The following PRPF40B variants were observed in gnomAD, a reference collection of about 807,000 sequenced individuals.
PRPF40B encodes pre-mRNA processing factor 40B, also known as pre-mRNA-processing factor 40 homolog B.
In PRPF40B, 56 loss-of-function variants were observed where a neutral mutation model predicts 124.5. The observed-to-expected ratio is 0.45, with a 90% CI of 0.36 to 0.56. PRPF40B has a LOEUF of 0.56. Among genes scored for constraint, PRPF40B ranks in the 20% least tolerant of loss-of-function variants. The probability of loss-of-function intolerance (pLI) is 0.00; values close to 1 mark genes in which losing one functional copy is unlikely to be tolerated. For synonymous variants in PRPF40B, 443 were observed against 426.4 expected (o/e 1.04, Z -0.48); for missense variants, 1,053 against 1,169.5 (o/e 0.90, Z 1.45).
chr12:49,623,947 G>A (rs1227351988), intron 1 of PRPF40B: 2 of 1,112,432 alleles, frequency 1.8e-6, no homozygotes, highest in East Asian at 4.8e-5. Context: ...GACAGGTGGG[G>A]ACCAGTTTCC....
intron 18 of PRPF40B, chr12:49,641,389 T>C (rs918779936): frequency 6.5e-6 from 1 of 153,132 alleles, no homozygotes; most frequent in African/African-American, 2.4e-5. Flanking sequence ...TGCTCTAGTT[T>C]CTCTGAACCT....
At chr12:49,623,872 G>A in intron 1 of PRPF40B, 2 of 1,129,564 alleles carry the variant, frequency 1.8e-6, no homozygotes, top group Non-Finnish European at 2.2e-6. Flanking sequence ...GGTGGGGGTG[G>A]GTTCGCGGAG....
At chr12:49,624,275 G>C (rs1216977194) in intron 1 of PRPF40B, 38 of 665,000 alleles carry the variant, frequency 5.7e-5, no homozygotes, top group Non-Finnish European at 6.9e-5. Context: ...TAAATGAATA[G>C]GTTTTTGAGG....
chr12:49,642,384 A>G lies in PRPF40B; in HGVS notation c.2022+12A>G, dbSNP rs1942795735. 1 of 1,612,930 alleles carries G rather than the reference A, an allele frequency of 6.2e-7. No homozygotes were observed. The highest frequency in any genetic ancestry group is 8.5e-7 in the Non-Finnish European group (1 of 1,179,612). ...CTGCCTGGGAAGAGGTCAGGAGCGT[A>G]GCCTGGCCCCAAGCACCCCTCAAGC... On this transcript the variant is annotated intron_variant, in intron 20 of 25. Coordinates refer to ENST00000548825, the MANE Select transcript of PRPF40B (RefSeq NM_001031698.3). The surrounding 1 kb of genome is among the most constrained non-coding windows in gnomAD (Gnocchi z 5.8).
rs761835660 is a variant in PRPF40B at position 49,635,855 on chromosome 12, C to G, written c.1288C>G (p.Gln430Glu). The G allele has an allele frequency of 6.2e-7, 1 of 1,613,948 alleles. No homozygotes were observed. Among genetic ancestry groups the G allele is most frequent in the South Asian group, 1.1e-5 (1 of 91,072 alleles). ...LAKKEKEQAK[Q>E]LRRRNIQALK... is the part of the protein sequence containing the mutation. ...TGTGGCTCCCTAGGAACAGGCCAAGCAGCTCCGGCGCCGCAATATCCAGGC... is the reference window on the plus strand; with the variant it reads ...TGTGGCTCCCTAGGAACAGGCCAAGGAGCTCCGGCGCCGCAATATCCAGGC... The change falls in exon 15 of 26, where the codon CAG becomes GAG. Residue 430 changes from glutamine (Q) to glutamate (E), a missense_variant. Coordinates refer to ENST00000548825, the MANE Select transcript of PRPF40B (RefSeq NM_001031698.3). The surrounding 1 kb of genome is among the most constrained non-coding windows in gnomAD (Gnocchi z 4.1).
chr12:49,642,879 C>A lies in PRPF40B; in HGVS notation c.2119-51C>A. On this transcript the variant is annotated intron_variant, in intron 21 of 25. Transcript: ENST00000548825. This position sits in a 1 kb window ranked among gnomAD's most constrained non-coding sequence, Gnocchi z 5.8. ...CAGATTTTAGGAAGTAGGATCCTTCCTGGGGCTAAGTCTGGTGCTGTCCTC... is the reference window on the plus strand; with the variant it reads ...CAGATTTTAGGAAGTAGGATCCTTCATGGGGCTAAGTCTGGTGCTGTCCTC... The A allele has an allele frequency of 6.4e-7, 1 of 1,566,672 alleles. No individual in the cohort carries two copies. Among genetic ancestry groups the A allele is most frequent in the Non-Finnish European group, 8.7e-7 (1 of 1,150,354 alleles).
At position 49,635,154 on chromosome 12, in the gene PRPF40B, C is replaced by T. The variant is rs1349417261; in HGVS notation, c.1057C>T (p.Arg353Trp). The T allele has an allele frequency of 3.1e-6, 5 of 1,613,966 alleles. No individual in the cohort carries two copies. The highest frequency in any genetic ancestry group is 2.2e-5 in the South Asian group (2 of 91,080). The change falls in exon 13 of 26, where the codon CGG becomes TGG. Residue 353 changes from arginine (R) to tryptophan (W), a missense_variant. By Grantham distance (101) the Arg-to-Trp change is moderately radical. Around this residue, in one of 2 missense-constraint regions of PRPF40B, gnomAD observed 895 missense variants for 1,052.2 expected, o/e 0.85. Transcript: ENST00000548825. This position sits in a 1 kb window ranked among gnomAD's most constrained non-coding sequence, Gnocchi z 4.1. ...KQAFNAYKAQ[R>W]EKEEKEEARL... ...GGCATTCAATGCCTACAAGGCGCAGCGGGAGAAGGAGGAGAAGGAGGAGGC... is the reference window on the plus strand; with the variant it reads ...GGCATTCAATGCCTACAAGGCGCAGTGGGAGAAGGAGGAGAAGGAGGAGGC...
At chr12:49,624,381 G>A (rs543450861) in intron 1 of PRPF40B, among the ~76,000 whole-genome samples, 1 of 152,322 alleles carries the variant, frequency 6.6e-6, no homozygotes, top group Admixed American at 6.5e-5. Context: ...CCCCACGGGT[G>A]CGGGGGGATG....
At chr12:49,639,254 A>C (rs1365196261) in intron 18 of PRPF40B, 1 of 152,192 alleles carries the variant, frequency 6.6e-6, no homozygotes, top group East Asian at 1.9e-4. Flanking sequence ...CAGTTCTTGA[A>C]GCCTCAAGAT....
chr12:49,633,177 G>A (rs1941411482), intron 7 of PRPF40B, 53 bp downstream of exon 7: 3 of 1,469,668 alleles, frequency 2.0e-6, no homozygotes, highest in Non-Finnish European at 2.8e-6. Context: ...ACCCTTCCAA[G>A]TCCTTGGCCT....
chr12:49,632,845 T>A lies in PRPF40B; in HGVS notation c.323-10T>A. 6.2e-7 allele frequency: 1 copy of A among 1,613,910 alleles called. No individual in the cohort carries two copies. Among genetic ancestry groups the A allele is most frequent in the Non-Finnish European group, 8.5e-7 (1 of 1,180,008 alleles). On this transcript the variant is annotated splice_polypyrimidine_tract_variant and intron_variant, in intron 5 of 25. Coordinates refer to ENST00000548825, the MANE Select transcript of PRPF40B (RefSeq NM_001031698.3). Reference sequence around the variant, plus strand: ...AAGGACTTAGTATGTATCCTTTGGCTTTTTTCTAGCTGCTGTGGCTGGGAC... The same window carrying A: ...AAGGACTTAGTATGTATCCTTTGGCATTTTTCTAGCTGCTGTGGCTGGGAC...
In PRPF40B at chr12:49,636,704, G is replaced by A. The variant is rs773522286; in HGVS notation, c.1427-12G>A. The A allele has an allele frequency of 6.2e-7, 1 of 1,613,822 alleles. No individual in the cohort carries two copies. Among genetic ancestry groups the A allele is most frequent in the East Asian group, 2.2e-5 (1 of 44,874 alleles). On this transcript the variant is annotated splice_polypyrimidine_tract_variant and intron_variant, in intron 15 of 25. Transcript: ENST00000548825. ...TGGGACAATGCCCGCGGAACCTCCTGCCTGTCTTTAGACATGGACAAGGAA... is the reference window on the plus strand; with the variant it reads ...TGGGACAATGCCCGCGGAACCTCCTACCTGTCTTTAGACATGGACAAGGAA...
At chr12:49,639,536 A>G (rs1359191366) in intron 18 of PRPF40B, 1 of 152,250 alleles carries the variant, frequency 6.6e-6, no homozygotes, top group African/African-American at 2.4e-5. Flanking sequence ...CTGGGTTTCT[A>G]TGTAGGTGCC....
rs1941446210 is a variant in PRPF40B at position 49,633,536 on chromosome 12, A to G, written c.569A>G (p.Asp190Gly). ...CGCTGGACCCGGCCCAAGGATCTGG[A>G]TGACCTAGAGGGTGAGATGTCCTAC... ...ESRWTRPKDL[D>G]DLEVLVKQEA... The change falls in exon 8 of 26, where the codon GAT becomes GGT. Residue 190 changes from aspartate to glycine, a missense_variant. Coordinates refer to ENST00000548825, the MANE Select transcript of PRPF40B (RefSeq NM_001031698.3). 6.2e-7 allele frequency: 1 copy of G among 1,614,094 alleles called. No individual in the cohort carries two copies. Among genetic ancestry groups the G allele is most frequent in the African/African-American group, 1.3e-5 (1 of 74,938 alleles).
chr12:49,630,124 A>G (rs574859437), intron 1 of PRPF40B, among the ~76,000 whole-genome samples: 20 of 152,320 alleles, frequency 1.3e-4, no homozygotes, highest in African/African-American at 4.8e-4. Flanking sequence ...GGGAACTAGA[A>G]AAGAGGCGAC....
intron 18 of PRPF40B, chr12:49,639,914 A>ATTTATCTT (rs1424160461): frequency 2.0e-4 from 30 of 152,364 alleles, no homozygotes; most frequent in Non-Finnish European, 3.2e-4. Flanking sequence ...ATAAAGTAGA[A>ATTTATCTT]ATGCCTTATC....
intron 18 of PRPF40B, chr12:49,641,546 C>A: frequency 3.8e-6 from 1 of 265,754 alleles, no homozygotes. Flanking sequence ...AGGGTAGGGG[C>A]CAGCAAATGT....
chr12:49,639,043 CTT>C (rs1942243978), intron 18 of PRPF40B: 1 of 152,206 alleles, frequency 6.6e-6, no homozygotes, highest in Non-Finnish European at 1.5e-5. Context: ...GGTATCCTCT[CTT>C]TCTCTGGAAC....
rs111724065 is a variant in PRPF40B, at chr12:49,633,550, G to A, written c.580+3G>A. 2.9e-5 allele frequency: 47 copies of A among 1,614,266 alleles called. No individual in the cohort carries two copies. Among genetic ancestry groups the A allele is most frequent in the Non-Finnish European group, 3.7e-5 (44 of 1,180,052 alleles). On this transcript the variant is annotated splice_donor_region_variant and intron_variant, in intron 8 of 25. Coordinates refer to ENST00000548825, the MANE Select transcript of PRPF40B (RefSeq NM_001031698.3). ...CAAGGATCTGGATGACCTAGAGGGT[G>A]AGATGTCCTACGGGTGGGCCAGGTC... is the stretch of plus-strand genomic sequence containing the variant.
Sources: allele counts gnomAD v4.1 joint callset (sites outside exome capture counted in the v4.1 genomes callset), GRCh38; gene constraint gnomAD v4.1.1; regional missense constraint gnomAD v4.1.1; non-coding constraint Gnocchi (gnomAD v3.1); transcripts MANE v1.5; gene names NCBI Gene and HGNC (gene_info 2026-07-23, HGNC 2026-07-21).